Variants in N4BP2L1 observed in about 807,000 individuals in gnomAD.
The protein encoded by N4BP2L1 is NEDD4 binding protein 2 like 1.
In N4BP2L1, 12 loss-of-function variants were observed where a neutral mutation model predicts 21.2. The observed-to-expected ratio is 0.57, with a 90% CI of 0.36 to 0.92. The LOEUF (loss-of-function observed/expected upper bound fraction) is 0.92. Among genes scored for constraint, N4BP2L1 ranks in the 40% least tolerant of loss-of-function variants. The pLI is 0.01. For synonymous variants in N4BP2L1, 104 were observed against 112.8 expected (o/e 0.92, Z 0.49); for missense variants, 259 against 310.6 (o/e 0.83, Z 1.25).
upstream of N4BP2L1, among the ~76,000 whole-genome samples, chr13:32,428,552 C>T (rs1333382284): frequency 6.6e-6 from 1 of 152,210 alleles, no homozygotes. Context: ...GCCATTGTCT[C>T]CCCCGATTTG....
chr13:32,429,333 G>A (rs898132457), upstream of N4BP2L1, among the ~76,000 whole-genome samples: 7 of 152,162 alleles, frequency 4.6e-5, no homozygotes, highest in African/African-American at 1.2e-4. Flanking sequence ...CATTCCCAGC[G>A]TGGAGGAAGA....
chr13:32,401,948 AGAC>A lies in N4BP2L1; in HGVS notation c.*991_*993del. ...TCATAAATTCAGCATCAGTATAAGAAGACATTCCAGAGTTGTGAGGACTTGATT... is the reference window on the plus strand; with the variant it reads ...TCATAAATTCAGCATCAGTATAAGAAATTCCAGAGTTGTGAGGACTTGATT... On this transcript the variant is annotated 3_prime_UTR_variant, in exon 5 of 5. Coordinates refer to ENST00000380130, the MANE Select transcript of N4BP2L1 (RefSeq NM_052818.3). 9.1e-6 allele frequency: 9 copies of A among 985,494 alleles called. No homozygotes were observed. The highest frequency in any genetic ancestry group is 1.1e-5 in the Non-Finnish European group (9 of 829,794). 61.0% of individuals were successfully genotyped at this position (985,494 alleles called of 1,614,324 possible).
intron 1 of N4BP2L1, chr13:32,411,596 A>G: frequency 1.0e-6 from 1 of 985,152 alleles, no homozygotes; most frequent in Non-Finnish European, 1.2e-6. Context: ...CAGGAGCCTC[A>G]TGCATTAGGG....
At chr13:32,405,534 C>T (rs968302916) in intron 3 of N4BP2L1, among the ~76,000 whole-genome samples, 1 of 144,808 alleles carries the variant, frequency 6.9e-6, no homozygotes, top group Non-Finnish European at 1.5e-5. Flanking sequence ...AGTAAAATGA[C>T]TTCCCTTAGG....
intron 1 of N4BP2L1, among the ~76,000 whole-genome samples, chr13:32,415,603 T>C (rs1427314892): frequency 6.6e-6 from 1 of 152,246 alleles, no homozygotes; most frequent in Non-Finnish European, 1.5e-5. Context: ...TTCTTTTATA[T>C]ATCATTTAAC....
rs2073145725 is a variant in N4BP2L1, at chr13:32,401,791, TA to T, written c.*1150del. 1 of 349,422 alleles carries T rather than the reference TA, an allele frequency of 2.9e-6. No homozygotes were observed. Among genetic ancestry groups the T allele is most frequent in the Non-Finnish European group, 4.0e-6 (1 of 248,296 alleles). 21.6% of individuals were successfully genotyped at this position (349,422 alleles called of 1,614,324 possible). On this transcript the variant is annotated 3_prime_UTR_variant, in exon 5 of 5. Transcript: ENST00000380130. ...TAAAAGCACCATTATATAAGACACT[TA>T]AAATAATTTTTCACAGAACATTAGA...
chr13:32,407,338 G>A lies in N4BP2L1; in HGVS notation c.308C>T (p.Ala103Val), dbSNP rs1188298637. The change falls in exon 3 of 5, where the codon GCA becomes GTA. Residue 103 changes from alanine (A) to valine (V), a missense_variant and splice_region_variant. Transcript: ENST00000380130. ...TATGCCATTCCTCATTGCTTTTCTT[G>A]CTGCAACACAATGTTACATAACAGT... ...EEAHEWNQKR[A>V]RKAMRNGISP... is the part of the protein sequence containing the mutation. 2 of 1,614,030 alleles carry A rather than the reference G, an allele frequency of 1.2e-6. No individual in the cohort carries two copies. The highest frequency in any genetic ancestry group is 3.3e-5 in the Admixed American group (2 of 60,016).
intron 1 of N4BP2L1, among the ~76,000 whole-genome samples, chr13:32,427,552 G>A (rs2074851591): frequency 2.6e-5 from 4 of 152,342 alleles, no homozygotes; most frequent in Middle Eastern, 3.4e-3. Flanking sequence ...CCCCAGGCGG[G>A]GCACGGCGGC....
rs568784430 is a variant in N4BP2L1, at chr13:32,427,948, G to A, written c.135C>T (p.Tyr45=). The A allele has an allele frequency of 2.0e-5, 30 of 1,535,744 alleles. No individual in the cohort carries two copies. The African/African-American group carries it at 3.7e-4, about 19-fold the overall frequency. The change falls in exon 1 of 5, where the codon TAC becomes TAT. Residue 45 remains tyrosine (Y), a synonymous_variant. Transcript: ENST00000380130. ...CGGAGCCCGGGAGGCCTCGCAGGAG[G>A]TAGAGGTGTTTCCTAAAGCTGTGGC... The part of the protein sequence containing the change: ...PRRHSFRKHL[Y]LLRGLPGSGK...
chr13:32,404,285 G>A, intron 4 of N4BP2L1, 36 bp downstream of exon 4: 1 of 1,589,250 alleles, frequency 6.3e-7, no homozygotes, highest in Non-Finnish European at 8.6e-7. Context: ...AAAATAGCAG[G>A]ATACATAATG....
chr13:32,429,446 C>T (rs1272014754), upstream of N4BP2L1, among the ~76,000 whole-genome samples: 1 of 152,204 alleles, frequency 6.6e-6, no homozygotes, highest in African/African-American at 2.4e-5. Context: ...ATACATAAAT[C>T]GTAAAAATAG....
chr13:32,422,958 T>C (rs2074565278), intron 1 of N4BP2L1, among the ~76,000 whole-genome samples: 2 of 151,448 alleles, frequency 1.3e-5, no homozygotes, highest in South Asian at 4.2e-4. Context: ...TATTGTGAGC[T>C]TGCTTTTATT....
chr13:32,425,791 T>C (rs1168353520), intron 1 of N4BP2L1: 1 of 151,992 alleles, frequency 6.6e-6, no homozygotes, highest in African/African-American at 2.4e-5. Flanking sequence ...GTCAGAAGGA[T>C]CTTTAATAAA....
In N4BP2L1 at chr13:32,419,412, A is replaced by ATTTTTTTTTTTTTTT. The variant is rs71071039; in HGVS notation, c.179+8477_179+8491dup. ...GGGTGCTTGCCACCATGCTTGGCTA[A>ATTTTTTTTTTTTTTT]TTTTTTTTTTTTTTTTTTTTTTTTT... On this transcript the variant is annotated intron_variant, in intron 1 of 4. Transcript: ENST00000380130. 1.9e-3 allele frequency: 536 copies of ATTTTTTTTTTTTTTT among 284,666 alleles called. 30 individuals are homozygous for ATTTTTTTTTTTTTTT. The highest frequency in any genetic ancestry group is 2.3e-3 in the Non-Finnish European group (368 of 158,698). 17.6% of individuals were successfully genotyped at this position (284,666 alleles called of 1,614,324 possible).
chr13:32,418,935 T>G (rs184278387), intron 1 of N4BP2L1, among the ~76,000 whole-genome samples: 3 of 152,272 alleles, frequency 2.0e-5, no homozygotes, highest in Non-Finnish European at 2.9e-5. Context: ...TGCTTTTGAT[T>G]TTACAGGTTC....
intron 3 of N4BP2L1, among the ~76,000 whole-genome samples, chr13:32,405,662 A>G (rs779487538): frequency 6.6e-6 from 1 of 152,170 alleles, no homozygotes; most frequent in Non-Finnish European, 1.5e-5. Context: ...AAGTAACCAC[A>G]AGTTTGGGGC....
chr13:32,419,073 A>C (rs2074306608), intron 1 of N4BP2L1, among the ~76,000 whole-genome samples: 1 of 152,110 alleles, frequency 6.6e-6, no homozygotes, highest in Admixed American at 6.6e-5. Flanking sequence ...ATGTGAGGAC[A>C]TGAGATTTTG....
At chr13:32,416,019 T>C (rs2074118337) in intron 1 of N4BP2L1, 1 of 152,214 alleles carries the variant, frequency 6.6e-6, no homozygotes. Flanking sequence ...GATTCCCAAG[T>C]ACCTAGAACA....
intron 1 of N4BP2L1, among the ~76,000 whole-genome samples, chr13:32,426,715 T>C (rs973549694): frequency 2.0e-5 from 3 of 152,098 alleles, no homozygotes; most frequent in African/African-American, 7.2e-5. Context: ...GGGAAGCCCT[T>C]TGAGGGAAAG....
Sources: allele counts gnomAD v4.1 joint callset (sites outside exome capture counted in the v4.1 genomes callset), GRCh38; gene constraint gnomAD v4.1.1; transcripts MANE v1.5; gene names NCBI Gene and HGNC (gene_info 2026-07-23, HGNC 2026-07-21).